Variants in DYNC1I2 observed in about 807,000 individuals in gnomAD.
The protein encoded by DYNC1I2 is dynein cytoplasmic 1 intermediate chain 2.
DYNC1I2 carries 53 observed loss-of-function variants against 88.6 expected under a neutral mutation model. The ratio of observed to expected loss-of-function variants is 0.60; its 90% CI spans 0.48 to 0.75. The LOEUF is 0.75. DYNC1I2 is among the 30% of genes least tolerant of loss of function. DYNC1I2 has a pLI of 0.00. For missense variants in DYNC1I2, 458 were observed against 766.6 expected (o/e 0.60, Z 4.75); for synonymous variants, 198 against 254.6 (o/e 0.78, Z 2.12).
At position 171,748,051 on chromosome 2, in the gene DYNC1I2, A is replaced by G; in HGVS notation, c.*162A>G. Reference sequence around the variant, plus strand: ...AAACTTACAATGTCCCTTTATATATAACATGCATCTTGTTTTGGATTTGTG... The same window carrying G: ...AAACTTACAATGTCCCTTTATATATGACATGCATCTTGTTTTGGATTTGTG... On this transcript the variant is annotated 3_prime_UTR_variant, in exon 18 of 18. Transcript: ENST00000397119. 1 of 505,234 alleles carries G rather than the reference A, an allele frequency of 2.0e-6. No homozygotes were observed. The highest frequency in any genetic ancestry group is 2.0e-5 in the African/African-American group (1 of 51,216). The allele number at this position is 505,234 out of a possible 1,614,324, so 31.3% of individuals were successfully genotyped here.
chr2:171,720,051 A>G (rs967060812), intron 7 of DYNC1I2, among the ~76,000 whole-genome samples: 2 of 94,236 alleles, frequency 2.1e-5, no homozygotes, highest in African/African-American at 4.3e-5. Flanking sequence ...TTTTTTGGCT[A>G]TTTTTTGAAA....
In DYNC1I2 at chr2:171,743,958, G is replaced by T. The variant is rs980063814; in HGVS notation, c.1537-91G>T. 5 of 1,157,762 alleles carry T rather than the reference G, an allele frequency of 4.3e-6. No homozygotes were observed. In the African/African-American group the frequency reaches 7.9e-5, roughly 18 times the overall value. The allele number at this position is 1,157,762 out of a possible 1,614,324, so 71.7% of individuals were successfully genotyped here. On this transcript the variant is annotated intron_variant, in intron 15 of 17. Coordinates refer to ENST00000397119, the MANE Select transcript of DYNC1I2 (RefSeq NM_001378.3). The stretch of plus-strand genomic sequence containing the variant: ...ATCATAAAATGTTATCATACCTGTT[G>T]AATGTATGTCATTTTTTTCCCAGTG...
At chr2:171,707,969 C>G (rs1476588180) in intron 5 of DYNC1I2, among the ~76,000 whole-genome samples, 3 of 151,956 alleles carry the variant, frequency 2.0e-5, no homozygotes, top group Non-Finnish European at 4.4e-5. Flanking sequence ...ATCCTGCATA[C>G]ATGTTGGGAC....
chr2:171,699,928 T>C (rs1686114874), intron 3 of DYNC1I2, among the ~76,000 whole-genome samples: 1 of 152,150 alleles, frequency 6.6e-6, no homozygotes, highest in Non-Finnish European at 1.5e-5. Flanking sequence ...TTAATGGTTA[T>C]AGTCTCTTCA....
At chr2:171,725,541 C>T in intron 7 of DYNC1I2, 77 bp from the exon 8 acceptor site, 1 of 942,864 alleles carries the variant, frequency 1.1e-6, no homozygotes, top group Non-Finnish European at 1.5e-6. Context: ...CAAAAGTTAC[C>T]AGCTATTTTC....
chr2:171,722,200 G>T (rs185945465), intron 7 of DYNC1I2, among the ~76,000 whole-genome samples: 44 of 152,004 alleles, frequency 2.9e-4, no homozygotes, highest in Non-Finnish European at 5.0e-4. Flanking sequence ...TCATTCTTTC[G>T]TGTTACTTGT....
intron 4 of DYNC1I2, chr2:171,707,033 C>A: frequency 1.7e-6 from 1 of 575,622 alleles, no homozygotes; most frequent in Non-Finnish European, 3.0e-6. Flanking sequence ...CATAATCTTG[C>A]CTTTTTAAAA....
At chr2:171,739,478 C>A (rs1216431511) in intron 15 of DYNC1I2, among the ~76,000 whole-genome samples, 1 of 151,966 alleles carries the variant, frequency 6.6e-6, no homozygotes, top group Non-Finnish European at 1.5e-5. Context: ...TAAAATCAAG[C>A]CTATACATAC....
chr2:171,714,558 G>A (rs1004981431), intron 6 of DYNC1I2, among the ~76,000 whole-genome samples: 1 of 152,102 alleles, frequency 6.6e-6, no homozygotes, highest in African/African-American at 2.4e-5. Flanking sequence ...AGATCTCCCA[G>A]ATAGCTAATA....
intron 6 of DYNC1I2, among the ~76,000 whole-genome samples, chr2:171,714,393 T>A (rs929522162): frequency 6.6e-6 from 1 of 152,154 alleles, no homozygotes; most frequent in Non-Finnish European, 1.5e-5. Context: ...AAAAAAGTTA[T>A]ATTACCAGCG....
chr2:171,698,602 G>T (rs890714009), intron 3 of DYNC1I2, among the ~76,000 whole-genome samples: 4 of 152,106 alleles, frequency 2.6e-5, no homozygotes. Context: ...AGGCACGGTG[G>T]CTCACACCTG....
intron 15 of DYNC1I2, among the ~76,000 whole-genome samples, chr2:171,731,017 A>G (rs1688567781): frequency 6.6e-6 from 1 of 152,238 alleles, no homozygotes; most frequent in Non-Finnish European, 1.5e-5. Flanking sequence ...ATTAGCAGAT[A>G]TAAAAATAGT....
chr2:171,746,019 A>AAACAACTCATAAACC, intron 17 of DYNC1I2, 92 bp downstream of exon 17: 1 of 1,412,630 alleles, frequency 7.1e-7, no homozygotes, highest in Non-Finnish European at 9.8e-7. Context: ...TTTGAGGTTT[A>AAACAACTCATAAACC]TGAGTTGTTT....
chr2:171,733,979 T>G (rs1688829026), intron 15 of DYNC1I2, among the ~76,000 whole-genome samples: 3 of 152,162 alleles, frequency 2.0e-5, no homozygotes, highest in Admixed American at 6.5e-5. Flanking sequence ...TTGTATAAGA[T>G]GTAAGGAAGG....
chr2:171,699,591 AGTGTGTGTGTGT>A (rs3223500), intron 3 of DYNC1I2, among the ~76,000 whole-genome samples: 64 of 137,734 alleles, frequency 4.6e-4, no homozygotes, highest in Admixed American at 1.0e-3. Flanking sequence ...CATCATTTGG[AGTGTGTGTGTGT>A]GTGTGTGTGT....
intron 15 of DYNC1I2, among the ~76,000 whole-genome samples, chr2:171,739,445 T>C (rs1259412221): frequency 6.6e-6 from 1 of 152,076 alleles, no homozygotes; most frequent in African/African-American, 2.4e-5. Flanking sequence ...ACCAATCTTG[T>C]CTATACATAA....
At chr2:171,704,628 C>T (rs1686535864) in intron 3 of DYNC1I2, among the ~76,000 whole-genome samples, 1 of 152,120 alleles carries the variant, frequency 6.6e-6, no homozygotes, top group South Asian at 2.1e-4. Flanking sequence ...GACTTACAAA[C>T]TGTCTTTAAA....
Position 171,712,796 on chromosome 2 carries a change from T to G in DYNC1I2, c.365T>G (p.Val122Gly). The G allele has an allele frequency of 6.2e-7, 1 of 1,613,586 alleles. No homozygotes were observed. The highest frequency in any genetic ancestry group is 1.1e-5 in the South Asian group (1 of 91,056). The change falls in exon 6 of 18, where the codon GTT (valine) becomes GGT (glycine). Residue 122 changes from valine (V) to glycine (G), a missense_variant. Val to Gly is a moderately radical substitution (Grantham distance 109). Transcript: ENST00000397119. ...RTLHWDTDPS[V>G]LQLHSDSDLG... ...CTGCATTGGGATACAGATCCATCAG[T>G]TCTTCAGCTTCACTCAGATTCCGAT...
chr2:171,693,340 TCTG>T (rs1180660313), intron 3 of DYNC1I2, among the ~76,000 whole-genome samples: 1 of 152,196 alleles, frequency 6.6e-6, no homozygotes, highest in Non-Finnish European at 1.5e-5. Context: ...CTTATAGCCT[TCTG>T]CTGTTAATGC....
Sources: allele counts gnomAD v4.1 joint callset (sites outside exome capture counted in the v4.1 genomes callset), GRCh38; gene constraint gnomAD v4.1.1; transcripts MANE v1.5; gene names NCBI Gene and HGNC (gene_info 2026-07-23, HGNC 2026-07-21).